LDLRAD4: variants seen among roughly 807,000 people sequenced by gnomAD.
LDLRAD4 encodes low density lipoprotein receptor class A domain containing 4.
A neutral mutation model predicts 17.0 loss-of-function variants in LDLRAD4; 5 were observed. The ratio of observed to expected loss-of-function variants is 0.29; its 90% confidence interval spans 0.15 to 0.62. The LOEUF is 0.62. Among genes scored for constraint, LDLRAD4 ranks in the 20% least tolerant of loss-of-function variants. The probability of loss-of-function intolerance (pLI) is 0.84; values close to 1 mark genes in which losing one functional copy is unlikely to be tolerated. For missense variants in LDLRAD4, 340 were observed against 424.7 expected (o/e 0.80, Z 1.75); for synonymous variants, 168 against 171.8 (o/e 0.98, Z 0.17).
rs539923593 is a variant in LDLRAD4 at position 13,388,597 on chromosome 18, C to A, written c.40+835C>A. On this transcript the variant is annotated intron_variant, in intron 2 of 5. Coordinates refer to ENST00000359446, the Ensembl canonical transcript of LDLRAD4. ...TTCCGTGAGTCCCAGAAGTTTGCAG[C>A]TTTTCAGATTTTGTGGAGGGAGCAG... is the stretch of plus-strand genomic sequence containing the variant. Among the ~76,000 whole-genome samples, 4 of 152,372 alleles carry A rather than the reference C, an allele frequency of 2.6e-5. No individual in the cohort carries two copies. In the South Asian group the frequency reaches 8.3e-4, roughly 32 times the overall value.
In LDLRAD4 at chr18:13,493,100, G is replaced by A. The variant is rs145223991; in HGVS notation, c.181+54716G>A. ...CACCACTGTACTGCAGCTTGGGTGA[G>A]AGAAAGATCTTGTCTTAAAAAAAAA... On this transcript the variant is annotated intron_variant, in intron 3 of 5. Transcript: ENST00000359446. Among the ~76,000 whole-genome samples, 131 of 152,220 alleles carry A rather than the reference G, an allele frequency of 8.6e-4. 1 individual carries two copies. In the Middle Eastern group the frequency reaches 0.01, roughly 12 times the overall value.
At chr18:13,613,825 C>A in intron 3 of LDLRAD4, 1 of 152,404 alleles carries the variant, frequency 6.6e-6, no homozygotes. Flanking sequence ...ATCAGGTAGC[C>A]GCGCCTGGGT....
chr18:13,613,108 A>G (rs1297935324), intron 3 of LDLRAD4: 2 of 197,860 alleles, frequency 1.0e-5, no homozygotes, highest in East Asian at 1.3e-4. Flanking sequence ...AAATTCTGCT[A>G]CTTGTTAATA....
At chr18:13,602,760 T>C (rs1393890358) in intron 3 of LDLRAD4, among the ~76,000 whole-genome samples, 1 of 151,854 alleles carries the variant, frequency 6.6e-6, no homozygotes, top group African/African-American at 2.4e-5. Context: ...ATTTTTTATT[T>C]AAAAAATAAA....
intron 2 of LDLRAD4, among the ~76,000 whole-genome samples, chr18:13,411,158 A>C (rs1226232121): frequency 1.3e-5 from 2 of 151,820 alleles, no homozygotes; most frequent in African/African-American, 2.4e-5. Flanking sequence ...AAGCTGAGGT[A>C]GGAGGATCAC....
intron 3 of LDLRAD4, among the ~76,000 whole-genome samples, chr18:13,498,169 T>A (rs1412639177): frequency 6.6e-6 from 1 of 151,198 alleles, no homozygotes; most frequent in East Asian, 2.0e-4. Flanking sequence ...CGTCCCTCTG[T>A]GGACACTGGA....
intron 3 of LDLRAD4, among the ~76,000 whole-genome samples, chr18:13,577,224 T>C (rs2148406905): frequency 6.6e-6 from 1 of 152,310 alleles, no homozygotes; most frequent in Admixed American, 6.5e-5. Flanking sequence ...GTTCCATGCC[T>C]ACATGGACTG....
chr18:13,554,765 G>A (rs1289032692), intron 3 of LDLRAD4, among the ~76,000 whole-genome samples: 1 of 152,084 alleles, frequency 6.6e-6, no homozygotes, highest in Non-Finnish European at 1.5e-5. Flanking sequence ...TTTTCAAATG[G>A]TAATCTGTAA....
At chr18:13,236,975 G>A (rs1204001261) in intron 1 of LDLRAD4, among the ~76,000 whole-genome samples, 3 of 152,196 alleles carry the variant, frequency 2.0e-5, no homozygotes. Context: ...GGCATAATGT[G>A]TGCAGGTAGA....
intron 1 of LDLRAD4, among the ~76,000 whole-genome samples, chr18:13,354,979 G>A (rs1000323099): frequency 6.6e-6 from 1 of 152,120 alleles, no homozygotes; most frequent in South Asian, 2.1e-4. Flanking sequence ...GATTTAATTG[G>A]ATGCCTGAAG....
At chr18:13,314,341 G>A (rs1180398153) in intron 1 of LDLRAD4, among the ~76,000 whole-genome samples, 2 of 152,182 alleles carry the variant, frequency 1.3e-5, no homozygotes, top group African/African-American at 2.4e-5. Context: ...TGGAAAAATT[G>A]TGACTTATGT....
intron 3 of LDLRAD4, among the ~76,000 whole-genome samples, chr18:13,463,185 C>T (rs2092494464): frequency 6.6e-6 from 1 of 152,196 alleles, no homozygotes; most frequent in Admixed American, 6.5e-5. Context: ...TGGGTGTGGC[C>T]ATGTCCCCCC....
intron 2 of LDLRAD4, among the ~76,000 whole-genome samples, chr18:13,401,392 C>T (rs1189837933): frequency 2.0e-5 from 3 of 151,518 alleles, no homozygotes; most frequent in African/African-American, 7.3e-5. Context: ...AAAAACTGTC[C>T]CTTTCTCCAA....
chr18:13,257,537 C>T (rs992203921), intron 1 of LDLRAD4, among the ~76,000 whole-genome samples: 4 of 152,160 alleles, frequency 2.6e-5, no homozygotes, highest in East Asian at 1.9e-4. Flanking sequence ...CATGGGCAGG[C>T]GTGTGTGGGG....
Position 13,456,318 on chromosome 18 carries a change from C to CGGGG in LDLRAD4, c.181+17936_181+17939dup, listed in dbSNP as rs2092129932. 2.0e-5 allele frequency among the ~76,000 whole-genome samples: 3 copies of CGGGG among 152,320 alleles called. No homozygotes were observed. In the South Asian group the frequency reaches 6.2e-4, roughly 32 times the overall value. On this transcript the variant is annotated intron_variant, in intron 3 of 5. Transcript: ENST00000359446. ...CCTTCCTGAGCGTGCCACATCTACACGGGGGTGCCCCTTCCTGACCGGGGT... is the reference window on the plus strand; with the variant it reads ...CCTTCCTGAGCGTGCCACATCTACACGGGGGGGGGTGCCCCTTCCTGACCGGGGT...
At position 13,621,397 on chromosome 18, in the gene LDLRAD4, A is replaced by G; in HGVS notation, c.336+126A>G. 2 of 698,806 alleles carry G rather than the reference A, an allele frequency of 2.9e-6. No individual in the cohort carries two copies. The allele number at this position is 698,806 out of a possible 1,614,324, so 43.3% of individuals were successfully genotyped here. A position where few individuals can be genotyped will look rare whatever the true frequency, so the allele number is the denominator to read the frequency against. On this transcript the variant is annotated intron_variant, in intron 4 of 5. Coordinates refer to ENST00000359446, the Ensembl canonical transcript of LDLRAD4. The surrounding 1 kb of genome is among the most constrained non-coding windows in gnomAD (Gnocchi z 5.5). ...ACAAACGGGGCGAAGCGCACCTCGT[A>G]AGTGTTCCACTTAGTGAGTCCCCAC...
chr18:13,270,486 C>G (rs183523094), intron 1 of LDLRAD4, among the ~76,000 whole-genome samples: 53 of 152,306 alleles, frequency 3.5e-4, no homozygotes, highest in African/African-American at 1.2e-3. Flanking sequence ...ATTTGCATTA[C>G]CGCGTACAAG....
At chr18:13,579,017 C>T (rs898491943) in intron 3 of LDLRAD4, among the ~76,000 whole-genome samples, 11 of 151,130 alleles carry the variant, frequency 7.3e-5, no homozygotes, top group Non-Finnish European at 1.6e-4. Flanking sequence ...GGTGAAACCC[C>T]GTCTCTACTA....
rs1335123951 is a variant in LDLRAD4, at chr18:13,437,336, T to C, written c.41-908T>C. ...AATCCTGCCAGCTTCTGTGGTTTCCTAGGGCCAAGCCCACACTCAGAATGC... is the reference window on the plus strand; with the variant it reads ...AATCCTGCCAGCTTCTGTGGTTTCCCAGGGCCAAGCCCACACTCAGAATGC... On this transcript the variant is annotated intron_variant, in intron 2 of 5. Transcript: ENST00000359446. Among the ~76,000 whole-genome samples the C allele has an allele frequency of 2.0e-5, 3 of 152,216 alleles. No homozygotes were observed. The East Asian group carries it at 5.8e-4, about 29-fold the overall frequency.
Sources: allele counts gnomAD v4.1 joint callset (sites outside exome capture counted in the v4.1 genomes callset), GRCh38; gene constraint gnomAD v4.1.1; non-coding constraint Gnocchi (gnomAD v3.1); transcripts MANE v1.5; gene names NCBI Gene and HGNC (gene_info 2026-07-23, HGNC 2026-07-21).